Variants in EXOC6 observed in about 807,000 individuals in gnomAD.
EXOC6 encodes the protein SEC15-like 1.
A neutral mutation model predicts 112.5 loss-of-function variants in EXOC6; 60 were observed. That is an observed-to-expected ratio of 0.53 (90% CI 0.43 to 0.66). The LOEUF (loss-of-function observed/expected upper bound fraction) is 0.66. Among genes scored for constraint, EXOC6 ranks in the 30% least tolerant of loss-of-function variants. EXOC6 has a pLI of 0.00. For missense variants in EXOC6, 855 were observed against 957.1 expected, an observed-to-expected ratio of 0.89 and a Z score of 1.41; for synonymous variants, 295 against 308.0, an observed-to-expected ratio of 0.96 and a Z score of 0.44.
chr10:92,927,837 A>G (rs1393871007), intron 8 of EXOC6, among the ~76,000 whole-genome samples: 1 of 152,212 alleles, frequency 6.6e-6, no homozygotes, highest in Non-Finnish European at 1.5e-5. Flanking sequence ...ATCATATGGG[A>G]AAAGGAAACT....
chr10:92,937,252 A>T (rs989111533), intron 12 of EXOC6, among the ~76,000 whole-genome samples: 1 of 152,184 alleles, frequency 6.6e-6, no homozygotes, highest in Non-Finnish European at 1.5e-5. Flanking sequence ...ACTTAAAAAA[A>T]GTGTCCCGTG....
chr10:93,050,488 G>A (rs1394927198), intron 20 of EXOC6, among the ~76,000 whole-genome samples: 2 of 149,736 alleles, frequency 1.3e-5, no homozygotes, highest in African/African-American at 2.5e-5. Context: ...GGCCAGGTGC[G>A]GTGGCTCACG....
At chr10:93,055,512 G>A (rs1056633104) in intron 20 of EXOC6, among the ~76,000 whole-genome samples, 3 of 152,100 alleles carry the variant, frequency 2.0e-5, no homozygotes, top group Admixed American at 6.5e-5. Flanking sequence ...ATCACATTCC[G>A]GAGACGTTAT....
intron 18 of EXOC6, among the ~76,000 whole-genome samples, chr10:92,982,776 GT>G (rs1338792957): frequency 6.6e-6 from 1 of 151,902 alleles, no homozygotes; most frequent in South Asian, 2.1e-4. Context: ...CCTTTGAAGA[GT>G]TTTTTTTCCT....
intron 19 of EXOC6, among the ~76,000 whole-genome samples, chr10:93,010,186 C>G (rs1353215653): frequency 6.6e-6 from 1 of 152,122 alleles, no homozygotes; most frequent in Non-Finnish European, 1.5e-5. Context: ...TATCAGATCA[C>G]TAAATTGCCT....
In EXOC6 at chr10:92,873,655, C is replaced by T. The variant is rs139901539; in HGVS notation, c.102-19694C>T. The stretch of plus-strand genomic sequence containing the variant: ...GGGCATTATTTTATAAAGCATTTTA[C>T]GAGCACATATAGCAAACTAGATGAA... On this transcript the variant is annotated intron_variant, in intron 1 of 21. Transcript: ENST00000260762. Among the ~76,000 whole-genome samples, 503 of 152,070 alleles carry T rather than the reference C, an allele frequency of 3.3e-3. 3 individuals carry two copies. The highest frequency in any genetic ancestry group is 0.011 in the African/African-American group (473 of 41,464).
At chr10:92,864,181 G>A (rs1244967948) in intron 1 of EXOC6, among the ~76,000 whole-genome samples, 4 of 152,168 alleles carry the variant, frequency 2.6e-5, no homozygotes, top group Admixed American at 6.5e-5. Context: ...TTATATAGGC[G>A]GATTACACAG....
At chr10:92,964,727 T>C (rs1484839031) in intron 17 of EXOC6, among the ~76,000 whole-genome samples, 1 of 152,184 alleles carries the variant, frequency 6.6e-6, no homozygotes, top group Admixed American at 6.6e-5. Context: ...GGAAAAATTA[T>C]TGGCCAGTGA....
intron 1 of EXOC6, among the ~76,000 whole-genome samples, chr10:92,871,120 T>A (rs1185826583): frequency 6.6e-6 from 1 of 152,214 alleles, no homozygotes; most frequent in African/African-American, 2.4e-5. Context: ...TTGTGATAAT[T>A]GGTCTGTTTT....
chr10:92,915,920 G>A lies in EXOC6; in HGVS notation c.819+7G>A. On this transcript the variant is annotated splice_region_variant and intron_variant, in intron 7 of 21. Transcript: ENST00000260762. ...GGATGAGAATGAAGAAGAGGTGATA[G>A]GTGTCTTTCTTTCTTTTCTATTATT... The A allele has an allele frequency of 6.6e-7, 1 of 1,511,014 alleles. No individual in the cohort carries two copies. Among genetic ancestry groups the A allele is most frequent in the Non-Finnish European group, 8.8e-7 (1 of 1,139,094 alleles). The allele number at this position is 1,511,014 out of a possible 1,614,324, so 93.6% of individuals were successfully genotyped here. A position where few individuals can be genotyped will look rare whatever the true frequency, so the allele number is the denominator to read the frequency against.
chr10:93,029,918 T>C (rs1440600975), intron 20 of EXOC6, among the ~76,000 whole-genome samples: 2 of 151,876 alleles, frequency 1.3e-5, no homozygotes, highest in South Asian at 4.2e-4. Flanking sequence ...TTTCTTTTTT[T>C]TTTTTTTGAG....
chr10:93,054,782 C>T (rs962329509), intron 20 of EXOC6, among the ~76,000 whole-genome samples: 1 of 152,202 alleles, frequency 6.6e-6, no homozygotes, highest in Non-Finnish European at 1.5e-5. Flanking sequence ...TGCACATGCA[C>T]AGTTGTGCAA....
intron 8 of EXOC6, among the ~76,000 whole-genome samples, chr10:92,923,657 A>G (rs780105654): frequency 6.6e-6 from 1 of 152,206 alleles, no homozygotes; most frequent in Non-Finnish European, 1.5e-5. Context: ...CCAGGAGAGA[A>G]ACCAAAGTGG....
chr10:93,015,128 G>T (rs1844442154), intron 20 of EXOC6, among the ~76,000 whole-genome samples: 1 of 152,026 alleles, frequency 6.6e-6, no homozygotes, highest in South Asian at 2.1e-4. Context: ...AGCCACTGTG[G>T]TATCAGTCTA....
intron 17 of EXOC6, among the ~76,000 whole-genome samples, chr10:92,959,127 A>G (rs1853850871): frequency 6.6e-6 from 1 of 152,152 alleles, no homozygotes; most frequent in Non-Finnish European, 1.5e-5. Flanking sequence ...AGTAATGAAT[A>G]AGATGTGGTA....
At chr10:92,842,232 G>A (rs528841630) in intron 1 of EXOC6, among the ~76,000 whole-genome samples, 8 of 151,958 alleles carry the variant, frequency 5.3e-5, no homozygotes, top group South Asian at 4.2e-4. Context: ...GGTGGTGCAC[G>A]CCTGTAATCC....
chr10:92,967,175 G>A (rs1283787058), intron 17 of EXOC6, among the ~76,000 whole-genome samples: 1 of 141,292 alleles, frequency 7.1e-6, no homozygotes, highest in East Asian at 1.9e-4. Context: ...GTTCATTGTA[G>A]ATTCTGGATA....
intron 13 of EXOC6, among the ~76,000 whole-genome samples, chr10:92,945,608 A>C (rs1423895566): frequency 6.6e-6 from 1 of 152,220 alleles, no homozygotes; most frequent in South Asian, 2.1e-4. Context: ...TCGTTAAATT[A>C]TCTCTTCTTC....
At chr10:92,860,324 T>G (rs1205390756) in intron 1 of EXOC6, among the ~76,000 whole-genome samples, 1 of 141,038 alleles carries the variant, frequency 7.1e-6, no homozygotes, top group Non-Finnish European at 1.5e-5. Context: ...CAGGCTGGAG[T>G]GCAGTGGCGT....
Sources: gnomAD v4.1 joint callset for allele counts (sites outside exome capture counted in the v4.1 genomes callset) on GRCh38, gnomAD v4.1.1 for gene constraint, MANE v1.5 for transcripts, NCBI Gene and HGNC (gene_info 2026-07-23, HGNC 2026-07-21) for gene names.